The following SFXN2 variants were observed in gnomAD, a reference collection of about 807,000 sequenced individuals.
The protein encoded by SFXN2 is sideroflexin-2.
A neutral mutation model predicts 41.9 loss-of-function variants in SFXN2; 37 were observed. The observed-to-expected ratio is 0.88, with a 90% CI of 0.68 to 1.16. The LOEUF (loss-of-function observed/expected upper bound fraction) is 1.16. Among genes scored for constraint, SFXN2 ranks in the 50% most tolerant of loss-of-function variants. The probability of loss-of-function intolerance (pLI) is 0.00; values close to 1 mark genes in which losing one functional copy is unlikely to be tolerated. For missense variants in SFXN2, 386 were observed against 425.2 expected (o/e 0.91, Z 0.81); for synonymous variants, 150 against 156.7 (o/e 0.96, Z 0.32).
In SFXN2 at chr10:102,724,470, G is replaced by A. The variant is rs546141899; in HGVS notation, c.-25-2142G>A. ...TGTAATCCCAGCACTTTGGGAGGCC[G>A]AGGTGGGCGGATCACGAGGTCAGGA... On this transcript the variant is annotated intron_variant, in intron 1 of 11. Coordinates refer to ENST00000369893, the MANE Select transcript of SFXN2 (RefSeq NM_178858.6). Among the ~76,000 whole-genome samples the A allele has an allele frequency of 2.6e-4, 40 of 152,274 alleles. No homozygotes were observed. In the East Asian group the frequency reaches 5.2e-3, roughly 20 times the overall value.
At chr10:102,723,555 A>G (rs1342233112) in intron 1 of SFXN2, among the ~76,000 whole-genome samples, 6 of 152,170 alleles carry the variant, frequency 3.9e-5, no homozygotes, top group East Asian at 1.9e-4. Context: ...CCTGGCCCCA[A>G]CTAGAAATGT....
At chr10:102,724,149 A>G (rs2064553930) in intron 1 of SFXN2, among the ~76,000 whole-genome samples, 2 of 152,168 alleles carry the variant, frequency 1.3e-5, no homozygotes, top group Admixed American at 1.3e-4. Context: ...AATGGCCTCC[A>G]TCTTCATCCA....
In SFXN2 at chr10:102,735,916, G is replaced by A; in HGVS notation, c.869+7G>A. On this transcript the variant is annotated splice_region_variant and intron_variant, in intron 11 of 11. Coordinates refer to ENST00000369893, the MANE Select transcript of SFXN2 (RefSeq NM_178858.6). ...GGCTTTTCCCACAGAAATGGTATCT[G>A]CTGTTCATTCCTTACTTGGTTTAAT... 1 of 1,613,888 alleles carries A rather than the reference G, an allele frequency of 6.2e-7. No individual in the cohort carries two copies. The highest frequency in any genetic ancestry group is 8.5e-7 in the Non-Finnish European group (1 of 1,179,808).
In SFXN2 at chr10:102,726,812, A is replaced by T; in HGVS notation, c.161+15A>T. 1 of 1,613,726 alleles carries T rather than the reference A, an allele frequency of 6.2e-7. No homozygotes were observed. The highest frequency in any genetic ancestry group is 1.1e-5 in the South Asian group (1 of 91,052). ...GAGAAGAGCAGGTGAGGGGTCGGGGAAGGGGCTGGAAGTAGTAGGGTAACA... is the reference window on the plus strand; with the variant it reads ...GAGAAGAGCAGGTGAGGGGTCGGGGTAGGGGCTGGAAGTAGTAGGGTAACA... On this transcript the variant is annotated intron_variant, in intron 2 of 11. Transcript: ENST00000369893.
rs751993496 is a variant in SFXN2, at chr10:102,729,779, CTG to C, written c.568_569del (p.Val190GlnfsTer21). ...CCTTTGCCGCTGTGGCTGCGGCTAA[CTG>C]TGTCAATATCCCCATGATGCGACAG... ...VPFAAVAAANCVNIPMMRQQE... is the reference protein window; with the variant it reads ...VPFAAVAAANXVNIPMMRQQE... On this transcript the variant is annotated frameshift_variant, in exon 6 of 12. Coordinates refer to ENST00000369893, the MANE Select transcript of SFXN2 (RefSeq NM_178858.6). LOFTEE classifies it high-confidence loss of function. The C allele has an allele frequency of 1.7e-5, 28 of 1,614,004 alleles. No individual in the cohort carries two copies. Among genetic ancestry groups the C allele is most frequent in the Middle Eastern group, 1.6e-4 (1 of 6,084 alleles).
At chr10:102,737,561 A>G in intron 11 of SFXN2, 102 bp from the exon 12 acceptor site, 1 of 750,546 alleles carries the variant, frequency 1.3e-6, no homozygotes, top group African/African-American at 1.7e-5. Flanking sequence ...TAATAATCCT[A>G]GATGGAAAAA....
At position 102,729,740 on chromosome 10, in the gene SFXN2, G is replaced by T; in HGVS notation, c.525G>T (p.Val175=). ...CCCAACAGAAAGCGCCGCCCTTGGT[G>T]GGCCGCTGGGTGCCCTTTGCCGCTG... ...NMLTKKAPPL[V]GRWVPFAAVA... The change falls in exon 6 of 12, where the codon GTG becomes GTT. Residue 175 remains valine, a synonymous_variant. Coordinates refer to ENST00000369893, the MANE Select transcript of SFXN2 (RefSeq NM_178858.6). The T allele has an allele frequency of 6.2e-7, 1 of 1,614,018 alleles. No individual in the cohort carries two copies. Among genetic ancestry groups the T allele is most frequent in the Non-Finnish European group, 8.5e-7 (1 of 1,180,038 alleles).
At position 102,726,805 on chromosome 10, in the gene SFXN2, G is replaced by A. The variant is rs745935200; in HGVS notation, c.161+8G>A. 11 of 1,613,990 alleles carry A rather than the reference G, an allele frequency of 6.8e-6. No individual in the cohort carries two copies. Among genetic ancestry groups the A allele is most frequent in the Non-Finnish European group, 9.3e-6 (11 of 1,180,004 alleles). On this transcript the variant is annotated splice_region_variant and intron_variant, in intron 2 of 11. Transcript: ENST00000369893. ...GATGGTGGAGAAGAGCAGGTGAGGG[G>A]TCGGGGAAGGGGCTGGAAGTAGTAG...
In SFXN2 at chr10:102,728,456, C is replaced by G; in HGVS notation, c.358C>G (p.Gln120Glu). The G allele has an allele frequency of 6.2e-7, 1 of 1,614,104 alleles. No homozygotes were observed. Among genetic ancestry groups the G allele is most frequent in the Admixed American group, 1.7e-5 (1 of 60,022 alleles). ...YRTMPAVIFW[Q>E]WVNQSFNALV... ...GACGATGCCGGCGGTGATCTTCTGG[C>G]AGTGGGTGAACCAGTCCTTCAATGC... is the stretch of plus-strand genomic sequence containing the variant. The change falls in exon 4 of 12, where the codon CAG (glutamine) becomes GAG (glutamate). Residue 120 changes from glutamine to glutamate, a missense_variant. Gln to Glu is a conservative substitution (Grantham distance 29). Transcript: ENST00000369893.
intron 11 of SFXN2, among the ~76,000 whole-genome samples, chr10:102,737,450 C>T (rs2064796781): frequency 6.6e-6 from 1 of 152,160 alleles, no homozygotes; most frequent in African/African-American, 2.4e-5. Context: ...TGTTTGTAAT[C>T]TTGTGGAGAA....
chr10:102,742,460 C>CT lies in SFXN2; in HGVS notation c.*4711dup, dbSNP rs11390629. On this transcript the variant is annotated 3_prime_UTR_variant, in exon 12 of 12. Transcript: ENST00000369893. Reference sequence around the variant, plus strand: ...ACAGGCAGGAGCCACCGCACCTGGCCTTTTTTTTTTTTTGAGACAGGGTCT... The same window carrying CT: ...ACAGGCAGGAGCCACCGCACCTGGCCTTTTTTTTTTTTTTGAGACAGGGTCT... 0.018 allele frequency: 2,489 copies of CT among 139,568 alleles called. 59 individuals are homozygous for CT. Among genetic ancestry groups the CT allele is most frequent in the African/African-American group, 0.054 (2,026 of 37,608 alleles). 8.6% of individuals were successfully genotyped at this position (139,568 alleles called of 1,614,324 possible). A position where few individuals can be genotyped will look rare whatever the true frequency, so the allele number is the denominator to read the frequency against.
At chr10:102,717,641 A>G (rs2064437041) in intron 1 of SFXN2, 1 of 396,854 alleles carries the variant, frequency 2.5e-6, no homozygotes. Context: ...GACTTAGTAC[A>G]GGCAAGGTAG....
chr10:102,728,638 C>T, intron 4 of SFXN2, 109 bp downstream of exon 4: 1 of 867,372 alleles, frequency 1.2e-6, no homozygotes, highest in Non-Finnish European at 1.9e-6. Flanking sequence ...GAGCAGGTGA[C>T]CAAGTCACCC....
At position 102,729,163 on chromosome 10, in the gene SFXN2, G is replaced by A. The variant is rs780805834; in HGVS notation, c.432-156G>A. ...AGAAGACCAAGGGGGCTGGAGCACT[G>A]TGAGTGAGGGGGAGAGGGTCACAAG... On this transcript the variant is annotated intron_variant, in intron 4 of 11. Coordinates refer to ENST00000369893, the MANE Select transcript of SFXN2 (RefSeq NM_178858.6). Among the ~76,000 whole-genome samples the A allele has an allele frequency of 1.2e-3, 186 of 152,244 alleles. 2 individuals are homozygous for A. Among genetic ancestry groups the A allele is most frequent in the Admixed American group, 1.5e-3 (23 of 15,288 alleles).
chr10:102,717,640 C>A, intron 1 of SFXN2: 1 of 392,272 alleles, frequency 2.5e-6, no homozygotes, highest in Non-Finnish European at 3.5e-6. Context: ...TGACTTAGTA[C>A]AGGCAAGGTA....
Position 102,742,383 on chromosome 10 carries a change from G to A in SFXN2, c.*4621G>A, listed in dbSNP as rs967338697. On this transcript the variant is annotated 3_prime_UTR_variant, in exon 12 of 12. Transcript: ENST00000369893. ...GGGTTTCACAATGTTGGCCAGGCTC[G>A]AACTCCTGACCATGTGATCCGCCCA... 2.0e-5 allele frequency: 3 copies of A among 151,672 alleles called. No individual in the cohort carries two copies. The highest frequency in any genetic ancestry group is 1.3e-4 in the Admixed American group (2 of 15,212). 9.4% of individuals were successfully genotyped at this position (151,672 alleles called of 1,614,324 possible). A position where few individuals can be genotyped will look rare whatever the true frequency, so the allele number is the denominator to read the frequency against.
chr10:102,724,509 C>T (rs932037342), intron 1 of SFXN2, among the ~76,000 whole-genome samples: 2 of 152,142 alleles, frequency 1.3e-5, no homozygotes, highest in Admixed American at 1.3e-4. Flanking sequence ...CGAGACCATC[C>T]TGGCTAACAT....
intron 1 of SFXN2, chr10:102,715,168 G>A (rs1312307827): frequency 6.6e-6 from 1 of 152,424 alleles, no homozygotes. Context: ...GAGTAGCTGG[G>A]ATTGCAGGCG....
chr10:102,716,680 T>G (rs756308050), intron 1 of SFXN2: 1 of 149,600 alleles, frequency 6.7e-6, no homozygotes, highest in Non-Finnish European at 1.5e-5. Context: ...ACGATTCTCC[T>G]GCCTTAGCCT....
Sources: allele counts gnomAD v4.1 joint callset (sites outside exome capture counted in the v4.1 genomes callset), GRCh38; gene constraint gnomAD v4.1.1; transcripts MANE v1.5; gene names NCBI Gene and HGNC (gene_info 2026-07-23, HGNC 2026-07-21).